GINS1: variants seen among roughly 807,000 people sequenced by gnomAD.
GINS1 encodes the protein DNA replication complex GINS protein PSF1.
GINS1 carries 26 observed loss-of-function variants against 34.9 expected under a neutral mutation model. The observed-to-expected ratio is 0.74, with a 90% confidence interval of 0.55 to 1.03. The LOEUF (loss-of-function observed/expected upper bound fraction) is 1.03, where lower values mean the gene tolerates loss of function less well. Among genes scored for constraint, GINS1 ranks in the 50% least tolerant of loss-of-function variants. The pLI, the probability that GINS1 is intolerant of heterozygous loss-of-function variation, is 0.00. For missense variants in GINS1, 235 were observed against 237.9 expected (o/e 0.99, Z 0.08); for synonymous variants, 97 against 84.4 (o/e 1.15, Z -0.82).
chr20:25,426,307 T>C (rs1223821435), intron 5 of GINS1, among the ~76,000 whole-genome samples: 3 of 152,084 alleles, frequency 2.0e-5, no homozygotes, highest in Non-Finnish European at 4.4e-5. Flanking sequence ...CTCATGCTTG[T>C]AATCCTAGCG....
chr20:25,419,138 T>C (rs890589551), intron 4 of GINS1, among the ~76,000 whole-genome samples: 1 of 152,190 alleles, frequency 6.6e-6, no homozygotes, highest in African/African-American at 2.4e-5. Flanking sequence ...AACAGTGTTA[T>C]TACAAGGCCT....
intron 3 of GINS1, 95 bp downstream of exon 3, chr20:25,417,297 C>A: frequency 1.4e-6 from 1 of 690,966 alleles, no homozygotes; most frequent in South Asian, 1.7e-5. Flanking sequence ...TTAGATCTCT[C>A]TCTCTTTGTA....
chr20:25,432,062 G>A (rs59846731), intron 5 of GINS1, among the ~76,000 whole-genome samples: 3,203 of 150,438 alleles, frequency 0.021, 103 homozygotes, highest in African/African-American at 0.073. Context: ...TAGTAGAGAC[G>A]GGGTTTCACC....
At chr20:25,442,334 A>ATCTGTCTGTCTGTCTGTCTG (rs542531370) in intron 6 of GINS1, among the ~76,000 whole-genome samples, 7 of 135,514 alleles carry the variant, frequency 5.2e-5, no homozygotes, top group African/African-American at 1.8e-4. Context: ...CCATCTATCT[A>ATCTGTCTGTCTGTCTGTCTG]TCTATCTGTC....
chr20:25,435,995 T>G (rs1178445926), intron 5 of GINS1, among the ~76,000 whole-genome samples: 2 of 137,394 alleles, frequency 1.5e-5, no homozygotes, highest in African/African-American at 5.4e-5. Context: ...TTTTTTTTTT[T>G]GTATTTTTAG....
At chr20:25,413,567 G>A in intron 1 of GINS1, 1 of 480,106 alleles carries the variant, frequency 2.1e-6, no homozygotes, top group East Asian at 3.3e-5. Context: ...TCAAGTTTTT[G>A]CCCACAGGGC....
intron 5 of GINS1, among the ~76,000 whole-genome samples, chr20:25,439,994 CAAA>C (rs34429395): frequency 8.0e-6 from 1 of 124,604 alleles, no homozygotes; most frequent in Non-Finnish European, 1.7e-5. Flanking sequence ...GACTCTGTCT[CAAA>C]AAAAAAAAAA....
intron 6 of GINS1, among the ~76,000 whole-genome samples, chr20:25,442,491 AT>A (rs1327656645): frequency 6.6e-6 from 1 of 151,812 alleles, no homozygotes; most frequent in African/African-American, 2.4e-5. Context: ...AAGTGCGAGG[AT>A]TACAGGTGTG....
At chr20:25,441,615 TG>T in intron 5 of GINS1, 86 bp from the exon 6 acceptor site, 1 of 694,466 alleles carries the variant, frequency 1.4e-6, no homozygotes, top group Non-Finnish European at 2.6e-6. Context: ...CCTTATTGTC[TG>T]TGTATTTGTA....
intron 2 of GINS1, among the ~76,000 whole-genome samples, chr20:25,414,083 A>G (rs933051107): frequency 6.7e-6 from 1 of 148,612 alleles, no homozygotes; most frequent in African/African-American, 2.5e-5. Context: ...CCAGCTACTC[A>G]GGAGGCTGAG....
intron 5 of GINS1, among the ~76,000 whole-genome samples, chr20:25,426,873 A>C (rs192960702): frequency 1.6e-4 from 25 of 152,238 alleles, no homozygotes; most frequent in Non-Finnish European, 3.1e-4. Flanking sequence ...TTTTCTGGCT[A>C]TACCACATTT....
intron 5 of GINS1, among the ~76,000 whole-genome samples, chr20:25,433,803 G>GGC (rs2090439696): frequency 6.6e-6 from 1 of 152,076 alleles, no homozygotes; most frequent in Admixed American, 6.6e-5. Flanking sequence ...TTCTATTGTT[G>GGC]ATGTCACAAA....
At chr20:25,418,024 G>A (rs1378343923) in intron 3 of GINS1, 81 bp from the exon 4 acceptor site, 2 of 804,078 alleles carry the variant, frequency 2.5e-6, no homozygotes, top group Admixed American at 3.4e-5. Context: ...GAGCTGGTGT[G>A]TTTGCATCAG....
chr20:25,427,781 T>C (rs534819211), intron 5 of GINS1, among the ~76,000 whole-genome samples: 1 of 152,192 alleles, frequency 6.6e-6, no homozygotes, highest in East Asian at 1.9e-4. Context: ...TTTATGCTGT[T>C]GATAGTGTCT....
At chr20:25,427,227 C>T (rs539752672) in intron 5 of GINS1, among the ~76,000 whole-genome samples, 35 of 152,210 alleles carry the variant, frequency 2.3e-4, no homozygotes, top group East Asian at 3.9e-4. Flanking sequence ...TGCAGTGGCG[C>T]GATCTCGGCT....
intron 5 of GINS1, among the ~76,000 whole-genome samples, chr20:25,428,705 C>A (rs1249989652): frequency 6.6e-6 from 1 of 151,746 alleles, no homozygotes; most frequent in African/African-American, 2.4e-5. Context: ...CACCCGGCCT[C>A]CAAGCATAAT....
chr20:25,408,353 A>G (rs1338202624), intron 1 of GINS1, among the ~76,000 whole-genome samples: 1 of 152,214 alleles, frequency 6.6e-6, no homozygotes, highest in East Asian at 1.9e-4. Context: ...TACCCAACGC[A>G]TGATGTAGTG....
intron 6 of GINS1, among the ~76,000 whole-genome samples, chr20:25,443,410 C>T (rs1438961861): frequency 1.3e-5 from 2 of 151,934 alleles, no homozygotes; most frequent in African/African-American, 4.8e-5. Flanking sequence ...AAGAAAAAAG[C>T]CATCCTCATA....
intron 4 of GINS1, among the ~76,000 whole-genome samples, chr20:25,422,502 G>T (rs1464254671): frequency 6.6e-6 from 1 of 152,098 alleles, no homozygotes; most frequent in Non-Finnish European, 1.5e-5. Flanking sequence ...GAGGTGGGAG[G>T]ATCACTTGAG....
Sources: allele counts gnomAD v4.1 joint callset (sites outside exome capture counted in the v4.1 genomes callset), GRCh38; gene constraint gnomAD v4.1.1; transcripts MANE v1.5; gene names NCBI Gene and HGNC (gene_info 2026-07-23, HGNC 2026-07-21).